The following TYW1B variants were observed in gnomAD, a reference collection of about 807,000 sequenced individuals.
TYW1B encodes tRNA-yW synthesizing protein 1 homolog B, also known as S-adenosyl-L-methionine-dependent tRNA 4-demethylwyosine synthase TYW1B.
TYW1B carries 73 observed loss-of-function variants against 86.9 expected under a neutral mutation model. The ratio of observed to expected loss-of-function variants is 0.84; its 90% confidence interval spans 0.70 to 1.02. The LOEUF (loss-of-function observed/expected upper bound fraction) is 1.02. Ranked by LOEUF, TYW1B falls within the 50% of genes least tolerant of loss-of-function variation. The pLI is 0.00. For synonymous variants in TYW1B, 248 were observed against 292.8 expected (o/e 0.85, Z 1.56); for missense variants, 637 against 827.4 (o/e 0.77, Z 2.82).
intron 13 of TYW1B, among the ~76,000 whole-genome samples, chr7:72,614,448 C>G (rs1554436492): frequency 1.3e-5 from 2 of 152,238 alleles, no homozygotes; most frequent in East Asian, 3.9e-4. Context: ...GCCTGGCTAA[C>G]ATGGTGAAAC....
chr7:72,713,291 AC>A (rs768955237), intron 10 of TYW1B, among the ~76,000 whole-genome samples: 4 of 109,030 alleles, frequency 3.7e-5, no homozygotes, highest in Admixed American at 2.3e-4. Flanking sequence ...ACAGAGTGAG[AC>A]TCCAACTCAA....
At position 72,706,451 on chromosome 7, in the gene TYW1B, A is replaced by C. The variant is rs77397667; in HGVS notation, c.1370+7170T>G. Reference sequence around the variant, plus strand: ...ATCTCCAAAAAAAAAAAAAAAAAAAAAAAGAATATTCTCTCCTCTCTCAAA... The same window carrying C: ...ATCTCCAAAAAAAAAAAAAAAAAAACAAAGAATATTCTCTCCTCTCTCAAA... On this transcript the variant is annotated intron_variant, in intron 10 of 13. Transcript: ENST00000620995. 2.6e-5 allele frequency among the ~76,000 whole-genome samples: 4 copies of C among 151,680 alleles called. No individual in the cohort carries two copies. In the South Asian group the frequency reaches 8.3e-4, roughly 32 times the overall value.
intron 8 of TYW1B, among the ~76,000 whole-genome samples, chr7:72,740,662 C>T (rs2129571273): frequency 6.6e-6 from 1 of 151,490 alleles, no homozygotes; most frequent in African/African-American, 2.4e-5. Context: ...CAATAAAAAA[C>T]AAACCCTGAA....
chr7:72,781,166 A>C (rs1279306522), intron 6 of TYW1B, among the ~76,000 whole-genome samples: 1 of 152,106 alleles, frequency 6.6e-6, no homozygotes, highest in African/African-American at 2.4e-5. Context: ...TAGGTCAGGT[A>C]ACTCGAGCAC....
chr7:72,663,191 T>C (rs1423880062), intron 11 of TYW1B, among the ~76,000 whole-genome samples: 1 of 146,898 alleles, frequency 6.8e-6, no homozygotes, highest in Non-Finnish European at 1.5e-5. Context: ...AGGCGGGGGG[T>C]TGTGGGGGGG....
chr7:72,739,786 G>A (rs1329246942), intron 8 of TYW1B, among the ~76,000 whole-genome samples: 3 of 143,550 alleles, frequency 2.1e-5, no homozygotes, highest in African/African-American at 5.2e-5. Flanking sequence ...ACCTGCATGC[G>A]CCTGGGATTT....
intron 10 of TYW1B, among the ~76,000 whole-genome samples, chr7:72,710,678 T>G (rs1388560598): frequency 2.0e-4 from 31 of 152,256 alleles, no homozygotes; most frequent in Middle Eastern, 3.4e-3. Flanking sequence ...TATGGTGGCG[T>G]GCGCCTGTAG....
At chr7:72,665,950 G>C (rs1210873050) in intron 11 of TYW1B, among the ~76,000 whole-genome samples, 3 of 152,146 alleles carry the variant, frequency 2.0e-5, no homozygotes, top group Non-Finnish European at 4.4e-5. Context: ...GGGAAAATGG[G>C]TAAGTACTGG....
chr7:72,660,266 G>A (rs1427374256), intron 11 of TYW1B, among the ~76,000 whole-genome samples: 3 of 151,928 alleles, frequency 2.0e-5, no homozygotes, highest in Non-Finnish European at 4.4e-5. Context: ...CCCAGCTACT[G>A]GGGAGGCTGA....
chr7:72,720,483 G>C (rs542905908), intron 9 of TYW1B, among the ~76,000 whole-genome samples: 1 of 151,888 alleles, frequency 6.6e-6, no homozygotes, highest in East Asian at 1.9e-4. Flanking sequence ...CAAAATACAA[G>C]ACAAAAAAAA....
chr7:72,747,704 T>C (rs1239080019), intron 7 of TYW1B, among the ~76,000 whole-genome samples: 1 of 152,220 alleles, frequency 6.6e-6, no homozygotes, highest in African/African-American at 2.4e-5. Context: ...TGCCTATTTC[T>C]ACAAAAGTCT....
At chr7:72,775,513 G>C (rs1321824908) in intron 7 of TYW1B, among the ~76,000 whole-genome samples, 5 of 152,154 alleles carry the variant, frequency 3.3e-5, no homozygotes, top group African/African-American at 1.2e-4. Flanking sequence ...GGACAGTGCA[G>C]TAACATCTGT....
chr7:72,643,826 G>A (rs1345673809), intron 11 of TYW1B, among the ~76,000 whole-genome samples: 1 of 151,998 alleles, frequency 6.6e-6, no homozygotes, highest in Non-Finnish European at 1.5e-5. Flanking sequence ...AATTATTTAT[G>A]GTGTTTGATT....
chr7:72,733,173 C>T (rs1787141988), intron 8 of TYW1B, among the ~76,000 whole-genome samples: 1 of 16,908 alleles, frequency 5.9e-5, no homozygotes, highest in South Asian at 1.6e-3. Context: ...CACACACACA[C>T]ACACACACAC....
At chr7:72,777,314 A>G (rs1484847218) in intron 7 of TYW1B, 102 bp downstream of exon 7, 37 of 1,385,980 alleles carry the variant, frequency 2.7e-5, no homozygotes, top group Non-Finnish European at 3.6e-5. Flanking sequence ...ATCTGCCACT[A>G]TGAACAGCTG....
At position 72,713,710 on chromosome 7, in the gene TYW1B, G is replaced by T. The variant is rs782610465; in HGVS notation, c.1281C>A (p.Tyr427Ter). 6.2e-7 allele frequency: 1 copy of T among 1,613,634 alleles called. No individual in the cohort carries two copies. Residue 427 changes from tyrosine (Y) to a stop codon, truncating the protein, a stop_gained, in exon 10 of 14, where the codon TAC becomes TAA. Transcript: ENST00000620995. LOFTEE classifies it high-confidence loss of function. ...GCTTCAAAAACCTGTTGATCTCTGG[G>T]TACATTATTGGTTCTCCCACGAGGG... ...ALSLVGEPIM[Y>*]PEINRFLKLL...
At chr7:72,808,649 T>G (rs1427630332) in intron 4 of TYW1B, among the ~76,000 whole-genome samples, 1 of 151,010 alleles carries the variant, frequency 6.6e-6, no homozygotes, top group Admixed American at 6.6e-5. Flanking sequence ...TGCCTCAGCC[T>G]CCCAAGTAGT....
chr7:72,767,617 TAATAAAAA>T (rs1339662733), intron 7 of TYW1B, among the ~76,000 whole-genome samples: 13 of 151,440 alleles, frequency 8.6e-5, no homozygotes, highest in Admixed American at 2.6e-4. Flanking sequence ...CTCAAAAAAA[TAATAAAAA>T]AATAAAAAAA....
intron 11 of TYW1B, among the ~76,000 whole-genome samples, chr7:72,674,007 A>G (rs1430796793): frequency 1.3e-5 from 2 of 152,068 alleles, no homozygotes; most frequent in African/African-American, 4.8e-5. Flanking sequence ...AAGCAGAGAA[A>G]CCAGGAGGAC....
Sources: allele counts gnomAD v4.1 joint callset (sites outside exome capture counted in the v4.1 genomes callset), GRCh38; gene constraint gnomAD v4.1.1; transcripts MANE v1.5; gene names NCBI Gene and HGNC (gene_info 2026-07-23, HGNC 2026-07-21).